Variants in CTNNA2 observed in about 807,000 individuals in gnomAD.
The protein encoded by CTNNA2 is catenin alpha 2.
In CTNNA2, 42 loss-of-function variants were observed where a neutral mutation model predicts 101.0. The ratio of observed to expected loss-of-function variants is 0.42; its 90% CI spans 0.32 to 0.54. CTNNA2 has a LOEUF of 0.54. Ranked by LOEUF, CTNNA2 falls within the 20% of genes least tolerant of loss-of-function variation. CTNNA2 has a pLI of 0.14. For synonymous variants in CTNNA2, 450 were observed against 456.4 expected (o/e 0.99, Z 0.18); for missense variants, 871 against 1,223.1 (o/e 0.71, Z 4.29).
intron 4 of CTNNA2, among the ~76,000 whole-genome samples, chr2:79,390,442 A>T (rs1363318160): frequency 6.6e-6 from 1 of 152,144 alleles, no homozygotes; most frequent in African/African-American, 2.4e-5. Flanking sequence ...TCTTTCTTCA[A>T]ATTGCAGTTT....
intron 1 of CTNNA2, among the ~76,000 whole-genome samples, chr2:79,193,119 T>A (rs1673896778): frequency 6.6e-6 from 1 of 152,200 alleles, no homozygotes; most frequent in African/African-American, 2.4e-5. Flanking sequence ...TATTCTTCTG[T>A]AACTTGGTAT....
chr2:79,288,908 T>G (rs1192149668), intron 2 of CTNNA2, among the ~76,000 whole-genome samples: 1 of 152,208 alleles, frequency 6.6e-6, no homozygotes, highest in Non-Finnish European at 1.5e-5. Context: ...GAACATCAAC[T>G]GATACATTTT....
chr2:80,117,282 G>A (rs1701578294), intron 7 of CTNNA2, among the ~76,000 whole-genome samples: 1 of 152,108 alleles, frequency 6.6e-6, no homozygotes, highest in African/African-American at 2.4e-5. Context: ...TCTAATGGAG[G>A]ATTTCCATAA....
At chr2:79,946,138 G>A (rs1688477431) in intron 7 of CTNNA2, among the ~76,000 whole-genome samples, 1 of 151,936 alleles carries the variant, frequency 6.6e-6, no homozygotes, top group South Asian at 2.1e-4. Context: ...CAAGTCTAAT[G>A]CTCTCCCCTC....
chr2:80,230,851 A>T (rs1483751340), intron 7 of CTNNA2, among the ~76,000 whole-genome samples: 1 of 152,200 alleles, frequency 6.6e-6, no homozygotes, highest in Admixed American at 6.5e-5. Flanking sequence ...GCCAATAAAG[A>T]TTCTCATTCT....
chr2:80,252,164 G>C (rs538807508), intron 7 of CTNNA2, among the ~76,000 whole-genome samples: 1 of 152,070 alleles, frequency 6.6e-6, no homozygotes, highest in African/African-American at 2.4e-5. Flanking sequence ...TCACTATTTT[G>C]GGAGCTCTTG....
intron 7 of CTNNA2, among the ~76,000 whole-genome samples, chr2:79,983,672 C>A (rs938657887): frequency 5.3e-5 from 8 of 150,916 alleles, no homozygotes; most frequent in Non-Finnish European, 1.2e-4. Flanking sequence ...CTGATAAGAA[C>A]CTCGGAATGA....
intron 7 of CTNNA2, among the ~76,000 whole-genome samples, chr2:80,043,093 T>TTCTTTCTTTC (rs1345346543): frequency 6.1e-5 from 2 of 32,706 alleles, no homozygotes; most frequent in African/African-American, 1.3e-4. Flanking sequence ...CTTTCTTTCT[T>TTCTTTCTTTC]TCTCTCTCTC....
At chr2:79,393,109 A>C (rs1678192739) in intron 4 of CTNNA2, among the ~76,000 whole-genome samples, 1 of 152,162 alleles carries the variant, frequency 6.6e-6, no homozygotes, top group Non-Finnish European at 1.5e-5. Context: ...AAACTCACTG[A>C]AGAAAATTCC....
Position 79,759,844 on chromosome 2 carries a change from A to AT in CTNNA2, c.298+15271dup, listed in dbSNP as rs773434744. Among the ~76,000 whole-genome samples, 231 of 151,124 alleles carry AT rather than the reference A, an allele frequency of 1.5e-3. 1 individual carries two copies. In the East Asian group the frequency reaches 0.033, roughly 22 times the overall value. On this transcript the variant is annotated intron_variant, in intron 3 of 18. Coordinates refer to ENST00000402739, the MANE Select transcript of CTNNA2 (RefSeq NM_001282597.3). ...ATATAGCCCAAATACAGCCTCTCTC[A>AT]TTTTTTTTTCCAATTCAGAAATGGG...
At chr2:80,596,566 C>A (rs1026463956) in intron 15 of CTNNA2, among the ~76,000 whole-genome samples, 1 of 151,760 alleles carries the variant, frequency 6.6e-6, no homozygotes, top group Admixed American at 6.6e-5. Context: ...CCCACCTTGG[C>A]CTCTCAAAGT....
chr2:80,632,910 T>A (rs1210114742), intron 18 of CTNNA2, among the ~76,000 whole-genome samples: 1 of 152,154 alleles, frequency 6.6e-6, no homozygotes, highest in Non-Finnish European at 1.5e-5. Flanking sequence ...CTTTTACAGT[T>A]GAAAAAATAA....
At chr2:80,279,801 G>A (rs1674221092) in intron 7 of CTNNA2, among the ~76,000 whole-genome samples, 1 of 152,054 alleles carries the variant, frequency 6.6e-6, no homozygotes, top group South Asian at 2.1e-4. Flanking sequence ...CTGGGCTCCT[G>A]GGAGATTTCC....
chr2:79,999,497 T>G (rs1271030863), intron 7 of CTNNA2, among the ~76,000 whole-genome samples: 1 of 152,200 alleles, frequency 6.6e-6, no homozygotes, highest in African/African-American at 2.4e-5. Flanking sequence ...GAGATAGGCA[T>G]GGAATGGTAC....
chr2:79,559,296 C>A (rs1181592085), intron 1 of CTNNA2, among the ~76,000 whole-genome samples: 1 of 151,846 alleles, frequency 6.6e-6, no homozygotes, highest in Non-Finnish European at 1.5e-5. Context: ...ATGTGAATCA[C>A]TTGGGAGCTT....
intron 9 of CTNNA2, among the ~76,000 whole-genome samples, chr2:80,531,325 T>C (rs1210199767): frequency 1.3e-5 from 2 of 152,176 alleles, no homozygotes; most frequent in South Asian, 2.1e-4. Flanking sequence ...CTATTAGATA[T>C]ACTCTAGGGC....
intron 15 of CTNNA2, among the ~76,000 whole-genome samples, chr2:80,592,496 C>T (rs1284742108): frequency 6.6e-6 from 1 of 152,146 alleles, no homozygotes; most frequent in Admixed American, 6.6e-5. Flanking sequence ...CAACCTATTC[C>T]AAAAAGTACC....
chr2:80,343,850 A>G (rs1461617941), intron 7 of CTNNA2, among the ~76,000 whole-genome samples: 1 of 152,234 alleles, frequency 6.6e-6, no homozygotes, highest in African/African-American at 2.4e-5. Context: ...ATTCTGTGGC[A>G]TCATTTCTAT....
At chr2:80,020,877 A>G (rs768516669) in intron 7 of CTNNA2, among the ~76,000 whole-genome samples, 1 of 151,226 alleles carries the variant, frequency 6.6e-6, no homozygotes, top group Non-Finnish European at 1.5e-5. Flanking sequence ...TTGACTTGCT[A>G]TTTGACCTGG....
Sources: gnomAD v4.1 joint callset for allele counts (sites outside exome capture counted in the v4.1 genomes callset) on GRCh38, gnomAD v4.1.1 for gene constraint, MANE v1.5 for transcripts, NCBI Gene and HGNC (gene_info 2026-07-23, HGNC 2026-07-21) for gene names.